PALLD: variants seen among roughly 807,000 people sequenced by gnomAD.
The protein encoded by PALLD is palladin.
Under a neutral mutation model 123.5 loss-of-function variants are expected in PALLD, and 61 were observed. That is an observed-to-expected ratio of 0.49 (90% CI 0.40 to 0.61). PALLD has a LOEUF of 0.61. Among genes scored for constraint, PALLD ranks in the 20% least tolerant of loss-of-function variants. The probability of loss-of-function intolerance (pLI) is 0.00; values close to 1 mark genes in which losing one functional copy is unlikely to be tolerated. For missense variants in PALLD, 1,273 were observed against 1,377.0 expected (o/e 0.92, Z 1.20); for synonymous variants, 465 against 496.4 (o/e 0.94, Z 0.84).
At chr4:168,569,685 A>G (rs1205164653) in intron 2 of PALLD, among the ~76,000 whole-genome samples, 1 of 152,184 alleles carries the variant, frequency 6.6e-6, no homozygotes, top group East Asian at 1.9e-4. Flanking sequence ...GTAATGAATG[A>G]ATCAGGATTC....
intron 2 of PALLD, among the ~76,000 whole-genome samples, chr4:168,605,644 G>A (rs557115406): frequency 1.3e-4 from 20 of 152,348 alleles, no homozygotes; most frequent in Admixed American, 8.5e-4. Context: ...GCTCTGCAGA[G>A]CTGTCTGGAC....
At chr4:168,725,578 G>A (rs966052270) in intron 10 of PALLD, among the ~76,000 whole-genome samples, 1 of 136,366 alleles carries the variant, frequency 7.3e-6, no homozygotes, top group African/African-American at 2.8e-5. Flanking sequence ...CCAGGCTGGA[G>A]TGCAGTGGTG....
chr4:168,793,933 C>T (rs1258404361), intron 10 of PALLD, among the ~76,000 whole-genome samples: 1 of 152,154 alleles, frequency 6.6e-6, no homozygotes, highest in African/African-American at 2.4e-5. Context: ...GAAACCTCTC[C>T]CCACCCTCAC....
chr4:168,803,694 A>AAG (rs1739705519), intron 10 of PALLD, among the ~76,000 whole-genome samples: 1 of 151,522 alleles, frequency 6.6e-6, no homozygotes, highest in Non-Finnish European at 1.5e-5. Flanking sequence ...CAAAAAAAAA[A>AAG]AAAAGAAAAA....
chr4:168,912,414 AAGG>A (rs1759159031), intron 15 of PALLD, among the ~76,000 whole-genome samples: 1 of 152,172 alleles, frequency 6.6e-6, no homozygotes, highest in African/African-American at 2.4e-5. Flanking sequence ...TGAGAGAGTG[AAGG>A]AGAAAAATCA....
chr4:168,624,358 A>T (rs2149804924), intron 2 of PALLD, among the ~76,000 whole-genome samples: 1 of 152,304 alleles, frequency 6.6e-6, no homozygotes, highest in Admixed American at 6.5e-5. Flanking sequence ...AGATACCAAA[A>T]AGAGCATTTG....
chr4:168,876,356 C>T (rs559797649), intron 10 of PALLD, among the ~76,000 whole-genome samples: 1 of 152,350 alleles, frequency 6.6e-6, no homozygotes, highest in East Asian at 1.9e-4. Flanking sequence ...AACTTCAGGG[C>T]AGTGGTGAAT....
At chr4:168,918,076 G>T (rs913694954) in intron 17 of PALLD, among the ~76,000 whole-genome samples, 1 of 151,936 alleles carries the variant, frequency 6.6e-6, no homozygotes, top group Non-Finnish European at 1.5e-5. Context: ...GCATGCATCT[G>T]TAGTCCCAGC....
intron 10 of PALLD, among the ~76,000 whole-genome samples, chr4:168,836,720 C>T (rs948617582): frequency 6.6e-6 from 1 of 152,170 alleles, no homozygotes; most frequent in Non-Finnish European, 1.5e-5. Context: ...GTGAGGCTGT[C>T]AAACCTACTG....
intron 14 of PALLD, 111 bp downstream of exon 14, chr4:168,898,825 C>T: frequency 5.1e-6 from 4 of 778,196 alleles, no homozygotes; most frequent in Non-Finnish European, 6.8e-6. Flanking sequence ...TTCTCAATAC[C>T]CACGATATAA....
chr4:168,579,638 C>A (rs1388744151), intron 2 of PALLD, among the ~76,000 whole-genome samples: 1 of 151,826 alleles, frequency 6.6e-6, no homozygotes, highest in Non-Finnish European at 1.5e-5. Flanking sequence ...GTTTATGCCC[C>A]TATTGTGAAG....
At chr4:168,535,931 C>A (rs1476034391) in intron 2 of PALLD, among the ~76,000 whole-genome samples, 2 of 152,138 alleles carry the variant, frequency 1.3e-5, no homozygotes, top group African/African-American at 2.4e-5. Context: ...ATCACATAAG[C>A]AACGTGGTGT....
intron 10 of PALLD, among the ~76,000 whole-genome samples, chr4:168,799,969 A>C (rs1739086451): frequency 6.6e-6 from 1 of 152,170 alleles, no homozygotes; most frequent in African/African-American, 2.4e-5. Context: ...GGCCTATCAC[A>C]CTTACATATT....
At chr4:168,647,424 G>T (rs145920483) in intron 2 of PALLD, among the ~76,000 whole-genome samples, 1 of 152,208 alleles carries the variant, frequency 6.6e-6, no homozygotes, top group East Asian at 1.9e-4. Context: ...AAGGCTGCTA[G>T]GAAGACAAAT....
At chr4:168,499,387 A>C (rs1381369062) in intron 1 of PALLD, among the ~76,000 whole-genome samples, 1 of 146,454 alleles carries the variant, frequency 6.8e-6, no homozygotes, top group Non-Finnish European at 1.5e-5. Context: ...GACTTTATTG[A>C]TTTAGTCTAG....
At chr4:168,671,380 G>T (rs1780262115) in intron 3 of PALLD, among the ~76,000 whole-genome samples, 1 of 152,168 alleles carries the variant, frequency 6.6e-6, no homozygotes, top group African/African-American at 2.4e-5. Context: ...TCATGTTCGG[G>T]ACTTCAACAG....
At chr4:168,727,118 G>T (rs1360414971) in intron 10 of PALLD, among the ~76,000 whole-genome samples, 4 of 152,144 alleles carry the variant, frequency 2.6e-5, no homozygotes, top group African/African-American at 9.7e-5. Flanking sequence ...TCTTTATCCA[G>T]TTGACCACTG....
chr4:168,814,801 C>T (rs57185984), intron 10 of PALLD, among the ~76,000 whole-genome samples: 4,288 of 152,252 alleles, frequency 0.028, 211 homozygotes, highest in African/African-American at 0.098. Context: ...GACACAGTCT[C>T]GCTCTGTCAC....
At chr4:168,693,890 CCCTT>C (rs1461407014) in intron 8 of PALLD, among the ~76,000 whole-genome samples, 1 of 151,974 alleles carries the variant, frequency 6.6e-6, no homozygotes, top group African/African-American at 2.4e-5. Context: ...ACAAAAAAAA[CCCTT>C]AAACACATGA....
Sources: allele counts gnomAD v4.1 joint callset (sites outside exome capture counted in the v4.1 genomes callset), GRCh38; gene constraint gnomAD v4.1.1; transcripts MANE v1.5; gene names NCBI Gene and HGNC (gene_info 2026-07-23, HGNC 2026-07-21).